Variants in ZP3 observed in about 807,000 individuals in gnomAD.
ZP3 encodes the protein zona pellucida glycoprotein 3, also known as zona pellucida sperm-binding protein 3.
A neutral mutation model predicts 35.6 loss-of-function variants in ZP3; 21 were observed. That is an observed-to-expected ratio of 0.59 (90% CI 0.42 to 0.85). The LOEUF (loss-of-function observed/expected upper bound fraction) is 0.85, where lower values mean the gene tolerates loss of function less well. Ranked by LOEUF, ZP3 falls within the 40% of genes least tolerant of loss-of-function variation. The pLI, the probability that ZP3 is intolerant of heterozygous loss-of-function variation, is 0.00. For synonymous variants in ZP3, 207 were observed against 214.5 expected (o/e 0.96, Z 0.31); for missense variants, 437 against 536.5 (o/e 0.81, Z 1.83).
intron 1 of ZP3, among the ~76,000 whole-genome samples, chr7:76,415,678 G>C: frequency 6.6e-6 from 1 of 150,714 alleles, no homozygotes. Context: ...TGTATTTTTA[G>C]TAGAGATGGG....
chr7:76,438,484 G>A (rs866457995), intron 5 of ZP3, among the ~76,000 whole-genome samples: 4,119 of 144,108 alleles, frequency 0.029, no homozygotes, highest in African/African-American at 0.11. Flanking sequence ...CTTAAACCTC[G>A]GAGGTAGTGG....
intron 1 of ZP3, among the ~76,000 whole-genome samples, chr7:76,418,350 A>T (rs1002539837): frequency 2.6e-5 from 4 of 151,992 alleles, no homozygotes; most frequent in Non-Finnish European, 5.9e-5. Context: ...CAGGAGATCG[A>T]GACCAGCCTG....
At chr7:76,411,808 G>A (rs1215162898) in intron 1 of ZP3, among the ~76,000 whole-genome samples, 1 of 152,140 alleles carries the variant, frequency 6.6e-6, no homozygotes, top group African/African-American at 2.4e-5. Context: ...ATTTATCCAA[G>A]AGAAATGAAA....
At chr7:76,397,894 C>G (rs1584023075) in intron 1 of ZP3, 1 of 1,436,622 alleles carries the variant, frequency 7.0e-7, no homozygotes, top group East Asian at 2.5e-5. Context: ...GTCCGCACCG[C>G]AAGGGCAGCC....
At chr7:76,436,075 TG>T (rs1563703189) in intron 5 of ZP3, among the ~76,000 whole-genome samples, 10 of 100,258 alleles carry the variant, frequency 1.0e-4, no homozygotes, top group Non-Finnish European at 1.9e-4. Flanking sequence ...TTTTTTTTTT[TG>T]AGAGGGTCTC....
chr7:76,422,170 T>C (rs1338622988), upstream of ZP3, among the ~76,000 whole-genome samples: 1 of 151,876 alleles, frequency 6.6e-6, no homozygotes, highest in Non-Finnish European at 1.5e-5. Flanking sequence ...ATGCTGGGAT[T>C]ACAGACATGA....
intron 1 of ZP3, among the ~76,000 whole-genome samples, chr7:76,407,353 A>G (rs1408984142): frequency 1.3e-5 from 2 of 150,194 alleles, no homozygotes. Flanking sequence ...TTTTTTTGAG[A>G]CAGAGTCTCG....
chr7:76,424,229 A>T (rs369473703), upstream of ZP3, among the ~76,000 whole-genome samples: 1 of 152,172 alleles, frequency 6.6e-6, no homozygotes, highest in South Asian at 2.1e-4. Context: ...CAGGGCCAGC[A>T]GGGGATCGGA....
Position 76,405,323 on chromosome 7 carries a change from TTTTC to T in ZP3, c.-67+7542_-67+7545del, listed in dbSNP as rs765504064. On this transcript the variant is annotated intron_variant, in intron 1 of 8. Coordinates refer to the ZP3 transcript ENST00000336517. ...TATATATATATATATATATGTATTT[TTTTC>T]TTTCTTTCTTTCTTTTTTTTTTTTT... Among the ~76,000 whole-genome samples the T allele has an allele frequency of 5.2e-3, 151 of 29,176 alleles. 16 individuals are homozygous for T. The highest frequency in any genetic ancestry group is 0.03 in the African/African-American group (146 of 4,924). 19.1% of individuals were successfully genotyped at this position (29,176 alleles called of 152,430 possible).
chr7:76,404,387 C>T (rs776569270), intron 1 of ZP3: 12 of 1,613,904 alleles, frequency 7.4e-6, no homozygotes, highest in African/African-American at 1.3e-5. Context: ...CCTCCACCCC[C>T]AGCGCTTCTC....
upstream of ZP3, among the ~76,000 whole-genome samples, chr7:76,423,178 GGAGA>G (rs906408233): frequency 6.7e-6 from 1 of 148,830 alleles, no homozygotes; most frequent in African/African-American, 2.5e-5. Context: ...AGAGAGAGAG[GGAGA>G]GAGAGGGAAA....
In ZP3 at chr7:76,440,626, G is replaced by A. The variant is rs759973390; in HGVS notation, c.1060+15G>A. 6.2e-7 allele frequency: 1 copy of A among 1,601,114 alleles called. No individual in the cohort carries two copies. Among genetic ancestry groups the A allele is most frequent in the Non-Finnish European group, 8.5e-7 (1 of 1,171,760 alleles). Reference sequence around the variant, plus strand: ...CCGCAGGCATGGTATGTCACAGAATGGCCAAGAGGCTGTTCATTGTCCCTT... The same window carrying A: ...CCGCAGGCATGGTATGTCACAGAATAGCCAAGAGGCTGTTCATTGTCCCTT... On this transcript the variant is annotated intron_variant, in intron 7 of 7. Coordinates refer to ENST00000394857, the MANE Select transcript of ZP3 (RefSeq NM_001110354.2).
chr7:76,409,202 A>C (rs2115827892), intron 1 of ZP3, among the ~76,000 whole-genome samples: 1 of 152,186 alleles, frequency 6.6e-6, no homozygotes, highest in South Asian at 2.1e-4. Context: ...TGACTGAATC[A>C]AGGTGATGGC....
At chr7:76,430,198 A>C (rs1805787376) in intron 2 of ZP3, among the ~76,000 whole-genome samples, 1 of 152,072 alleles carries the variant, frequency 6.6e-6, no homozygotes. Context: ...CAACAAAGCG[A>C]TACTCCATCG....
In ZP3 at chr7:76,415,595, G is replaced by A. The variant is rs558344047; in HGVS notation, c.-66-9457G>A. Among the ~76,000 whole-genome samples, 996 of 150,434 alleles carry A rather than the reference G, an allele frequency of 6.6e-3. 13 individuals are homozygous for A. The highest frequency in any genetic ancestry group is 0.022 in the African/African-American group (924 of 41,134). ...TGCAACCTCTGCCTCCCAGGTTCAC[G>A]CCATTCTCCTGCCTCAGCCTCCCAA... On this transcript the variant is annotated intron_variant, in intron 1 of 8. Coordinates refer to the ZP3 transcript ENST00000336517.
At chr7:76,421,671 T>C (rs377314150), upstream of ZP3, among the ~76,000 whole-genome samples, 4 of 151,900 alleles carry the variant, frequency 2.6e-5, no homozygotes, top group East Asian at 5.8e-4. Context: ...CTCGGCTCAC[T>C]GCAACATCTG....
In ZP3 at chr7:76,398,155, G is replaced by A. The variant is rs149674444; in HGVS notation, c.-67+358G>A. Among the ~76,000 whole-genome samples, 99 of 152,088 alleles carry A rather than the reference G, an allele frequency of 6.5e-4. 1 individual carries two copies. Among genetic ancestry groups the A allele is most frequent in the African/African-American group, 2.3e-3 (97 of 41,492 alleles). On this transcript the variant is annotated intron_variant, in intron 1 of 8. Transcript: ENST00000336517. ...AGCCTTCCCTGATCTCCTGAGGAACGGGACCCTCTTCCACCTCTGGACTTC... is the reference window on the plus strand; with the variant it reads ...AGCCTTCCCTGATCTCCTGAGGAACAGGACCCTCTTCCACCTCTGGACTTC...
intron 5 of ZP3, among the ~76,000 whole-genome samples, chr7:76,437,526 C>T (rs149914373): frequency 0.011 from 1,648 of 146,878 alleles, no homozygotes; most frequent in East Asian, 0.033. Flanking sequence ...ACTCTTGTTG[C>T]CCAGGCTAGA....
intron 5 of ZP3, among the ~76,000 whole-genome samples, chr7:76,436,044 T>C (rs1398241629): frequency 2.5e-3 from 85 of 34,548 alleles, no homozygotes; most frequent in Middle Eastern, 0.011. Flanking sequence ...TTTTTTTTTT[T>C]TTTTTTTTTT....
Sources: gnomAD v4.1 joint callset for allele counts (sites outside exome capture counted in the v4.1 genomes callset) on GRCh38, gnomAD v4.1.1 for gene constraint, MANE v1.5 for transcripts, NCBI Gene and HGNC (gene_info 2026-07-23, HGNC 2026-07-21) for gene names.